CDH4: variants seen among roughly 807,000 people sequenced by gnomAD.
CDH4 encodes cadherin-4.
Under a neutral mutation model 86.0 loss-of-function variants are expected in CDH4, and 33 were observed. The observed-to-expected ratio is 0.38, with a 90% CI of 0.29 to 0.51. CDH4 has a LOEUF of 0.51. Among genes scored for constraint, CDH4 ranks in the 20% least tolerant of loss-of-function variants. The pLI, the probability that CDH4 is intolerant of heterozygous loss-of-function variation, is 0.86. For missense variants in CDH4, 1,114 were observed against 1,307.4 expected (o/e 0.85, Z 2.28); for synonymous variants, 555 against 549.4 (o/e 1.01, Z -0.14).
At chr20:61,739,574 C>T (rs4925277) in intron 2 of CDH4, among the ~76,000 whole-genome samples, 31,887 of 152,252 alleles carry the variant, frequency 0.21, 3,783 homozygotes, top group East Asian at 0.44. Flanking sequence ...AGAGCCAGCT[C>T]TGCCAGAAAC....
intron 4 of CDH4, 135 bp downstream of exon 4, chr20:61,773,317 G>C (rs2088800382): frequency 1.2e-6 from 1 of 862,886 alleles, no homozygotes; most frequent in Non-Finnish European, 1.7e-6. Context: ...TCTGTAATGA[G>C]ATAAGCCTTA....
rs772176053 is a variant in CDH4, at chr20:61,480,210, C to T, written c.169+225273C>T. On this transcript the variant is annotated intron_variant, in intron 2 of 15. Coordinates refer to ENST00000614565, the MANE Select transcript of CDH4 (RefSeq NM_001794.5). This position sits in a 1 kb window ranked among gnomAD's most constrained non-coding sequence, Gnocchi z 5.2. ...TTTTTTCCCCAACAGACTCCCAATC[C>T]ATCTCTTCCACCCCAGGAGGACCCC... is the stretch of plus-strand genomic sequence containing the variant. 1.7e-4 allele frequency among the ~76,000 whole-genome samples: 26 copies of T among 152,044 alleles called. No homozygotes were observed. The highest frequency in any genetic ancestry group is 6.5e-5 in the Admixed American group (1 of 15,270).
chr20:61,789,209 C>T (rs1979036407), intron 4 of CDH4, among the ~76,000 whole-genome samples: 1 of 152,232 alleles, frequency 6.6e-6, no homozygotes, highest in Admixed American at 6.5e-5. Flanking sequence ...ACGGATGCAT[C>T]TGCACCTGAG....
At chr20:61,279,860 C>T (rs1483459884) in intron 2 of CDH4, among the ~76,000 whole-genome samples, 2 of 152,154 alleles carry the variant, frequency 1.3e-5, no homozygotes, top group South Asian at 4.1e-4. Context: ...GGTGATTGCA[C>T]AGATGCCAGG....
intron 2 of CDH4, among the ~76,000 whole-genome samples, chr20:61,342,405 G>A (rs1049481154): frequency 3.3e-5 from 5 of 152,236 alleles, no homozygotes; most frequent in African/African-American, 1.2e-4. Flanking sequence ...ATGGGAGACA[G>A]TGACAGATCA....
chr20:61,464,114 A>T (rs1309997039), intron 2 of CDH4, among the ~76,000 whole-genome samples: 1 of 152,112 alleles, frequency 6.6e-6, no homozygotes, highest in African/African-American at 2.4e-5. Flanking sequence ...TCTTCTGTTA[A>T]ACTTGTTGGT....
intron 2 of CDH4, among the ~76,000 whole-genome samples, chr20:61,412,216 G>A (rs1600953300): frequency 1.3e-5 from 2 of 152,314 alleles, no homozygotes; most frequent in Admixed American, 1.3e-4. Flanking sequence ...GTGAACTTCA[G>A]CAAACACTCT....
chr20:61,866,503 AGTAGCTTT>A lies in CDH4; in HGVS notation c.878-7224_878-7217del, dbSNP rs2146137064. The stretch of plus-strand genomic sequence containing the variant: ...CGATTAGGTACCATCATTATTTTAA[AGTAGCTTT>A]TGCACATTTGACATGTGGAAAATGT... On this transcript the variant is annotated intron_variant, in intron 6 of 15. Coordinates refer to ENST00000614565, the MANE Select transcript of CDH4 (RefSeq NM_001794.5). Among the ~76,000 whole-genome samples, 6 of 152,314 alleles carry A rather than the reference AGTAGCTTT, an allele frequency of 3.9e-5. No individual in the cohort carries two copies. The East Asian group carries it at 7.7e-4, about 20-fold the overall frequency.
At position 61,937,071 on chromosome 20, in the gene CDH4, A is replaced by G. The variant is rs1024063899; in HGVS notation, c.*128A>G. 2.9e-5 allele frequency: 20 copies of G among 700,994 alleles called. 1 individual carries two copies. Among genetic ancestry groups the G allele is most frequent in the Admixed American group, 1.1e-4 (3 of 26,224 alleles). The allele number at this position is 700,994 out of a possible 1,614,324, so 43.4% of individuals were successfully genotyped here. A position where few individuals can be genotyped will look rare whatever the true frequency, so the allele number is the denominator to read the frequency against. On this transcript the variant is annotated 3_prime_UTR_variant, in exon 16 of 16. Transcript: ENST00000614565. ...CTTAGTGCTGTTAGGAGGCCCCCCAATCCCCACGTTGAGCTGTCTAGCATG... is the reference window on the plus strand; with the variant it reads ...CTTAGTGCTGTTAGGAGGCCCCCCAGTCCCCACGTTGAGCTGTCTAGCATG...
At chr20:61,692,333 C>T (rs879371879) in intron 2 of CDH4, among the ~76,000 whole-genome samples, 1 of 151,830 alleles carries the variant, frequency 6.6e-6, no homozygotes, top group Non-Finnish European at 1.5e-5. Flanking sequence ...TATTTGTTTT[C>T]ATCACCTATG....
In CDH4 at chr20:61,873,744, C is replaced by T. The variant is rs944221090; in HGVS notation, c.894C>T (p.Thr298=). ...CCGTTCCAGGCACCTACGTGATGAC[C>T]GTCACGGCCAACGATGCTGACGACA... The part of the protein sequence containing the change: ...EGSKPGTYVM[T]VTANDADDST... Residue 298 remains threonine, a synonymous_variant, in exon 7 of 16, where the codon ACC becomes ACT. Coordinates refer to ENST00000614565, the MANE Select transcript of CDH4 (RefSeq NM_001794.5). 6.2e-6 allele frequency: 10 copies of T among 1,613,332 alleles called. 1 individual carries two copies. The highest frequency in any genetic ancestry group is 5.3e-5 in the African/African-American group (4 of 74,928).
At chr20:61,557,906 C>T (rs1160606363) in intron 2 of CDH4, among the ~76,000 whole-genome samples, 7 of 152,048 alleles carry the variant, frequency 4.6e-5, no homozygotes, top group African/African-American at 7.2e-5. Flanking sequence ...GGTGCACCGT[C>T]GCTGAATGAA....
chr20:61,784,090 A>C (rs550063085), intron 4 of CDH4, among the ~76,000 whole-genome samples: 2 of 32,232 alleles, frequency 6.2e-5, no homozygotes, highest in Non-Finnish European at 1.0e-4. Flanking sequence ...TCCTCGGGAC[A>C]GTTCTCAAGG....
chr20:61,559,695 T>C (rs980271719), intron 2 of CDH4, among the ~76,000 whole-genome samples: 1 of 151,760 alleles, frequency 6.6e-6, no homozygotes, highest in Non-Finnish European at 1.5e-5. Flanking sequence ...ATTTTTGTAT[T>C]TTTAGTAGAG....
At chr20:61,344,995 A>C (rs140965620) in intron 2 of CDH4, among the ~76,000 whole-genome samples, 1 of 152,204 alleles carries the variant, frequency 6.6e-6, no homozygotes, top group African/African-American at 2.4e-5. Flanking sequence ...TCTGAGTGAG[A>C]TCTCTCAGGT....
chr20:61,875,549 T>C (rs1187150513), intron 7 of CDH4, among the ~76,000 whole-genome samples: 1 of 152,128 alleles, frequency 6.6e-6, no homozygotes, highest in East Asian at 1.9e-4. Context: ...CTGGCACGGA[T>C]GGCACAGGCG....
At chr20:61,789,006 C>A (rs1375452071) in intron 4 of CDH4, among the ~76,000 whole-genome samples, 1 of 152,214 alleles carries the variant, frequency 6.6e-6, no homozygotes, top group African/African-American at 2.4e-5. Flanking sequence ...GAGACTTTGT[C>A]CCCGGGGCCC....
chr20:61,928,117 T>C, intron 11 of CDH4, 73 bp from the exon 12 acceptor site: 1 of 1,143,746 alleles, frequency 8.7e-7, no homozygotes, highest in South Asian at 1.2e-5. Context: ...TGTGTGCGTG[T>C]CCTGTGTGGA....
At chr20:61,857,673 T>G (rs6089521) in intron 6 of CDH4, among the ~76,000 whole-genome samples, 16,825 of 152,342 alleles carry the variant, frequency 0.11, 1,163 homozygotes, top group South Asian at 0.23. Context: ...AAATGACTTC[T>G]CAAAAAATCT....
Sources: gnomAD v4.1 joint callset for allele counts (sites outside exome capture counted in the v4.1 genomes callset) on GRCh38, gnomAD v4.1.1 for gene constraint, Gnocchi (gnomAD v3.1) non-coding constraint, MANE v1.5 for transcripts, NCBI Gene and HGNC (gene_info 2026-07-23, HGNC 2026-07-21) for gene names.